Variants in ANXA10 observed in about 807,000 individuals in gnomAD.
ANXA10 encodes annexin 14.
In ANXA10, 49 loss-of-function variants were observed where a neutral mutation model predicts 53.5. That is an observed-to-expected ratio of 0.92 (90% confidence interval 0.73 to 1.16). The LOEUF (loss-of-function observed/expected upper bound fraction) is 1.16, where lower values mean the gene tolerates loss of function less well. Ranked by LOEUF, ANXA10 falls within the 50% of genes most tolerant of loss-of-function variation. The pLI is 0.00. For missense variants in ANXA10, 393 were observed against 394.4 expected, an observed-to-expected ratio of 1.00 and a Z score of 0.03; for synonymous variants, 131 against 128.9, an observed-to-expected ratio of 1.02 and a Z score of -0.11.
intron 3 of ANXA10, among the ~76,000 whole-genome samples, chr4:168,156,227 T>A (rs1305231148): frequency 4.8e-5 from 1 of 20,772 alleles, no homozygotes; most frequent in Non-Finnish European, 9.0e-5. Flanking sequence ...GTAATATGTA[T>A]TATATTATAT....
intron 6 of ANXA10, among the ~76,000 whole-genome samples, chr4:168,174,561 T>C (rs1418387153): frequency 6.6e-6 from 1 of 152,160 alleles, no homozygotes; most frequent in East Asian, 1.9e-4. Flanking sequence ...ATGGGCAGGG[T>C]ACCTCCTGCC....
intron 1 of ANXA10, among the ~76,000 whole-genome samples, chr4:168,098,912 C>T (rs1730596526): frequency 6.6e-6 from 1 of 152,052 alleles, no homozygotes; most frequent in African/African-American, 2.4e-5. Flanking sequence ...TCACTCACAG[C>T]AACTTTGGAT....
chr4:168,146,134 C>A (rs1449334532), intron 3 of ANXA10, among the ~76,000 whole-genome samples: 1 of 152,122 alleles, frequency 6.6e-6, no homozygotes, highest in Non-Finnish European at 1.5e-5. Context: ...GTCGTGAACT[C>A]CTGACCTCAG....
rs188354860 is a variant in ANXA10 at position 168,143,107 on chromosome 4, A to G, written c.195+3527A>G. On this transcript the variant is annotated intron_variant, in intron 3 of 11. Coordinates refer to ENST00000359299, the MANE Select transcript of ANXA10 (RefSeq NM_007193.5). ...CTGTAGTTAAAATGAATCTACACCA[A>G]TTGCCTAGATTTCTTTTCTCTCATT... 5.8e-4 allele frequency among the ~76,000 whole-genome samples: 89 copies of G among 152,210 alleles called. 1 individual carries two copies. The highest frequency in any genetic ancestry group is 2.1e-3 in the African/African-American group (87 of 41,542).
In ANXA10 at chr4:168,179,324, A is replaced by G; in HGVS notation, c.724+12A>G. The G allele has an allele frequency of 6.4e-7, 1 of 1,562,974 alleles. No individual in the cohort carries two copies. Among genetic ancestry groups the G allele is most frequent in the East Asian group, 2.2e-5 (1 of 44,468 alleles). On this transcript the variant is annotated intron_variant, in intron 9 of 11. Transcript: ENST00000359299. ...GCTGGTTGCAATTGGTAAGTAATAA[A>G]TTATTTGAAGCACAACAGACATTTT...
intron 3 of ANXA10, among the ~76,000 whole-genome samples, chr4:168,151,301 A>G (rs567041753): frequency 1.3e-5 from 2 of 152,362 alleles, no homozygotes; most frequent in South Asian, 4.1e-4. Flanking sequence ...TCCCCTGAGC[A>G]TATTCAGACA....
intron 11 of ANXA10, among the ~76,000 whole-genome samples, chr4:168,185,718 G>A (rs1732357382): frequency 6.6e-6 from 1 of 152,190 alleles, no homozygotes; most frequent in South Asian, 2.1e-4. Flanking sequence ...ACCAAGCCAA[G>A]CACAGGGACA....
intron 1 of ANXA10, among the ~76,000 whole-genome samples, chr4:168,101,104 T>C (rs1218482962): frequency 6.6e-6 from 1 of 151,896 alleles, no homozygotes; most frequent in Non-Finnish European, 1.5e-5. Flanking sequence ...TCATGAATGG[T>C]TTAGTACTAT....
chr4:168,100,417 A>G (rs778590356), intron 1 of ANXA10, among the ~76,000 whole-genome samples: 2 of 152,064 alleles, frequency 1.3e-5, no homozygotes, highest in East Asian at 3.9e-4. Flanking sequence ...GGACATTTCC[A>G]TATGGTTAAG....
At chr4:168,181,556 T>C (rs1732246073) in intron 9 of ANXA10, 127 bp from the exon 10 acceptor site, 2 of 772,890 alleles carry the variant, frequency 2.6e-6, no homozygotes, top group Non-Finnish European at 4.4e-6. Context: ...TTACCATTAT[T>C]CTAAGTGTTG....
chr4:168,137,879 A>G (rs1307887792), intron 2 of ANXA10, among the ~76,000 whole-genome samples: 1 of 152,014 alleles, frequency 6.6e-6, no homozygotes, highest in East Asian at 1.9e-4. Flanking sequence ...TCCCACAAAG[A>G]TCATACTAAT....
At chr4:168,099,415 G>A (rs2319707) in intron 1 of ANXA10, among the ~76,000 whole-genome samples, 23,435 of 152,134 alleles carry the variant, frequency 0.15, 2,150 homozygotes, top group East Asian at 0.27. Context: ...TGGGCTGACT[G>A]CTGTGTGTTT....
Position 168,092,600 on chromosome 4 carries a change from T to C in ANXA10, c.-101T>C. 8.4e-7 allele frequency: 1 copy of C among 1,195,626 alleles called. No individual in the cohort carries two copies. Among genetic ancestry groups the C allele is most frequent in the Non-Finnish European group, 1.2e-6 (1 of 829,670 alleles). The allele number at this position is 1,195,626 out of a possible 1,614,324, so 74.1% of individuals were successfully genotyped here. ...GGTGAACAGTGAACATATTTACATT[T>C]GATTTAACAGTGAACCTTAATTCTT... On this transcript the variant is annotated 5_prime_UTR_variant, in exon 1 of 12. Coordinates refer to ENST00000359299, the MANE Select transcript of ANXA10 (RefSeq NM_007193.5).
intron 3 of ANXA10, among the ~76,000 whole-genome samples, chr4:168,146,081 G>A (rs1578914931): frequency 6.6e-6 from 1 of 152,218 alleles, no homozygotes; most frequent in East Asian, 1.9e-4. Context: ...GCTAATTTTT[G>A]TATTCTCAGT....
At position 168,184,673 on chromosome 4, in the gene ANXA10, G is replaced by A. The variant is rs867874823; in HGVS notation, c.898G>A (p.Asp300Asn). The A allele has an allele frequency of 6.2e-7, 1 of 1,613,732 alleles. No homozygotes were observed. The highest frequency in any genetic ancestry group is 8.5e-7 in the Non-Finnish European group (1 of 1,179,882). ...GCGATATGGAAAATCCCTATTTCAT[G>A]ATATCAGAGTAAGTTTCCGACACAT... ...KERYGKSLFH[D>N]IRNFASGHYK... Residue 300 changes from aspartate to asparagine, a missense_variant, in exon 11 of 12, where the codon GAT becomes AAT. Physicochemically the swap from Asp to Asn is conservative, Grantham distance 23. Transcript: ENST00000359299.
In ANXA10 at chr4:168,092,718, T is replaced by G. The variant is rs766844789; in HGVS notation, c.18T>G (p.Tyr6Ter). 3 of 1,587,448 alleles carry G rather than the reference T, an allele frequency of 1.9e-6. No homozygotes were observed. In the South Asian group the frequency reaches 3.5e-5, roughly 18 times the overall value. Residue 6 changes from tyrosine (Y) to a stop codon, truncating the protein, a stop_gained and splice_region_variant, in exon 1 of 12, where the codon TAT (tyrosine) becomes TAG (stop). Coordinates refer to ENST00000359299, the MANE Select transcript of ANXA10 (RefSeq NM_007193.5). LOFTEE classifies it high-confidence loss of function. MFCGD[Y>*]VQGTIFPAPN... is the part of the protein sequence containing the mutation. Reference sequence around the variant, plus strand: ...CCATCAAAATGTTTTGTGGAGACTATGTGAGTATAATGCTTATTTCTGTAA... The same window carrying G: ...CCATCAAAATGTTTTGTGGAGACTAGGTGAGTATAATGCTTATTTCTGTAA...
chr4:168,163,623 A>C (rs1003331547), intron 4 of ANXA10, among the ~76,000 whole-genome samples: 1 of 152,070 alleles, frequency 6.6e-6, no homozygotes, highest in Non-Finnish European at 1.5e-5. Flanking sequence ...AATTCATAGA[A>C]TGCTAAGGAT....
At chr4:168,165,586 T>A (rs1731863687) in intron 6 of ANXA10, among the ~76,000 whole-genome samples, 1 of 152,114 alleles carries the variant, frequency 6.6e-6, no homozygotes, top group Admixed American at 6.5e-5. Flanking sequence ...TAAATATACA[T>A]GTATGTATAA....
intron 1 of ANXA10, among the ~76,000 whole-genome samples, chr4:168,114,270 T>TATAAATAAATAA (rs547385705): frequency 0.013 from 2,030 of 152,234 alleles, 49 homozygotes; most frequent in African/African-American, 0.046. Context: ...TGTCTATACA[T>TATAAATAAATAA]ATATTTTATT....
Sources: gnomAD v4.1 joint callset for allele counts (sites outside exome capture counted in the v4.1 genomes callset) on GRCh38, gnomAD v4.1.1 for gene constraint, MANE v1.5 for transcripts, NCBI Gene and HGNC (gene_info 2026-07-23, HGNC 2026-07-21) for gene names.